The following QTMAN variants were observed in gnomAD, a reference collection of about 807,000 sequenced individuals.
The protein encoded by QTMAN is tRNA-queuosine alpha-mannosyltransferase.
the QTMAN span, among the ~76,000 whole-genome samples, chr2:144,170,207 T>C: frequency 7.9e-5 from 12 of 152,306 alleles, no homozygotes; most frequent in South Asian, 2.5e-3. Context: ...AATTACCATA[T>C]ATAATGCTTT....
chr2:144,266,960 G>A, the QTMAN span, among the ~76,000 whole-genome samples: 1 of 152,132 alleles, frequency 6.6e-6, no homozygotes, highest in East Asian at 1.9e-4. Context: ...AAGGCTCAAG[G>A]ACATTAGAGG....
At chr2:144,078,260 T>C in the QTMAN span, among the ~76,000 whole-genome samples, 1 of 152,230 alleles carries the variant, frequency 6.6e-6, no homozygotes, top group Non-Finnish European at 1.5e-5. Flanking sequence ...CAGCATATGA[T>C]AGCAGAATGT....
At chr2:144,095,426 G>C in the QTMAN span, among the ~76,000 whole-genome samples, 3 of 152,052 alleles carry the variant, frequency 2.0e-5, no homozygotes, top group Non-Finnish European at 4.4e-5. Context: ...TCATTCTAAT[G>C]AGCTACTTTA....
chr2:144,051,333 C>G, the QTMAN span, among the ~76,000 whole-genome samples: 1 of 151,988 alleles, frequency 6.6e-6, no homozygotes. Context: ...GAGTTTGAGA[C>G]CAACCTGGTC....
the QTMAN span, chr2:143,945,368 G>A: frequency 2.0e-5 from 3 of 152,278 alleles, no homozygotes; most frequent in African/African-American, 4.8e-5. Context: ...TGCTGTGGTG[G>A]CCCATCACAC....
At chr2:144,211,092 T>C in the QTMAN span, 1 of 152,190 alleles carries the variant, frequency 6.6e-6, no homozygotes, top group Admixed American at 6.5e-5. Context: ...CCATGATTAA[T>C]CTAAAGTACA....
chr2:144,157,857 A>G, the QTMAN span, among the ~76,000 whole-genome samples: 2 of 151,958 alleles, frequency 1.3e-5, no homozygotes, highest in Non-Finnish European at 2.9e-5. Flanking sequence ...GATTCTGTCT[A>G]GTTGATAAGG....
At chr2:144,226,726 T>C in the QTMAN span, among the ~76,000 whole-genome samples, 1 of 152,174 alleles carries the variant, frequency 6.6e-6, no homozygotes, top group African/African-American at 2.4e-5. Context: ...GAGGAATTTA[T>C]TAAAATAGGG....
the QTMAN span, among the ~76,000 whole-genome samples, chr2:143,953,612 A>G: frequency 2.6e-5 from 4 of 151,866 alleles, no homozygotes; most frequent in East Asian, 7.7e-4. Flanking sequence ...GAAGGAAGGT[A>G]TTGCATCTTC....
At chr2:144,074,708 CAGTT>C in the QTMAN span, among the ~76,000 whole-genome samples, 4 of 152,268 alleles carry the variant, frequency 2.6e-5, no homozygotes, top group South Asian at 2.1e-4. Flanking sequence ...CACACGCAGA[CAGTT>C]AGTAACACTG....
chr2:144,248,670 A>ATATG, the QTMAN span, among the ~76,000 whole-genome samples: 3 of 152,096 alleles, frequency 2.0e-5, no homozygotes, highest in Non-Finnish European at 4.4e-5. Context: ...GCTGAATGGG[A>ATATG]TATGTCTGTG....
the QTMAN span, chr2:143,939,741 C>T: frequency 6.6e-6 from 1 of 152,152 alleles, no homozygotes; most frequent in Non-Finnish European, 1.5e-5. Flanking sequence ...GGACATTAAT[C>T]CACTTAGTAA....
chr2:144,317,472 CCCTTA>C, the QTMAN span: 11 of 151,502 alleles, frequency 7.3e-5, no homozygotes, highest in East Asian at 5.8e-4. Flanking sequence ...ACCTACTACA[CCCTTA>C]CCTTACATTA....
chr2:144,310,887 G>A, the QTMAN span, among the ~76,000 whole-genome samples: 1 of 152,226 alleles, frequency 6.6e-6, no homozygotes, highest in Admixed American at 6.5e-5. Flanking sequence ...TATGTGTCTA[G>A]AGTTCAAAGA....
chr2:144,246,485 A>G, the QTMAN span, among the ~76,000 whole-genome samples: 4 of 145,564 alleles, frequency 2.7e-5, no homozygotes, highest in African/African-American at 1.0e-4. Flanking sequence ...AGGCAGGAGA[A>G]TGGCGTGAAC....
At chr2:144,200,511 T>C in the QTMAN span, among the ~76,000 whole-genome samples, 1 of 152,182 alleles carries the variant, frequency 6.6e-6, no homozygotes, top group Admixed American at 6.5e-5. Context: ...ACAATAACAA[T>C]AGCTGATGAG....
At chr2:144,241,190 A>AC in the QTMAN span, among the ~76,000 whole-genome samples, 1 of 152,168 alleles carries the variant, frequency 6.6e-6, no homozygotes, top group African/African-American at 2.4e-5. Flanking sequence ...CTCAGGCCTC[A>AC]CCCCAGACCT....
At chr2:144,056,806 G>A in the QTMAN span, among the ~76,000 whole-genome samples, 1 of 152,182 alleles carries the variant, frequency 6.6e-6, no homozygotes, top group East Asian at 1.9e-4. Flanking sequence ...CTGGCTTTGA[G>A]AATCTATAAA....
chr2:144,095,764 C>A, the QTMAN span, among the ~76,000 whole-genome samples: 2 of 152,022 alleles, frequency 1.3e-5, no homozygotes, highest in Non-Finnish European at 2.9e-5. Flanking sequence ...ATCTATTGCT[C>A]GGTTTTATGG....
Sources: gnomAD v4.1 joint callset for allele counts (sites outside exome capture counted in the v4.1 genomes callset) on GRCh38, gnomAD v4.1.1 for gene constraint, MANE v1.5 for transcripts, NCBI Gene and HGNC (gene_info 2026-07-23, HGNC 2026-07-21) for gene names.